HDAC9: variants seen among roughly 807,000 people sequenced by gnomAD.
HDAC9 encodes the protein MEF-2 interacting transcription repressor (MITR) protein.
A neutral mutation model predicts 139.4 loss-of-function variants in HDAC9; 41 were observed. That is an observed-to-expected ratio of 0.29 (90% CI 0.23 to 0.38). The LOEUF is 0.38. Ranked by LOEUF, HDAC9 falls within the 10% of genes least tolerant of loss-of-function variation. The pLI is 1.00. For synonymous variants in HDAC9, 517 were observed against 476.2 expected, an observed-to-expected ratio of 1.09 and a Z score of -1.12; for missense variants, 1,147 against 1,297.0, an observed-to-expected ratio of 0.88 and a Z score of 1.78.
intron 6 of HDAC9, among the ~76,000 whole-genome samples, chr7:18,621,689 C>T (rs941706814): frequency 7.2e-5 from 11 of 151,974 alleles, no homozygotes; most frequent in African/African-American, 2.7e-4. Context: ...AAATTTTGCT[C>T]CTTAGTGTCA....
intron 13 of HDAC9, among the ~76,000 whole-genome samples, chr7:18,730,012 A>G (rs1249184392): frequency 6.6e-6 from 1 of 152,244 alleles, no homozygotes; most frequent in African/African-American, 2.4e-5. Context: ...TACAATAACT[A>G]AGAGGAATAT....
chr7:18,691,966 T>A (rs1202366398), intron 12 of HDAC9, among the ~76,000 whole-genome samples: 1 of 152,000 alleles, frequency 6.6e-6, no homozygotes, highest in Non-Finnish European at 1.5e-5. Context: ...AGTGATCACA[T>A]CTTGTGTTTG....
At chr7:18,657,158 A>G (rs1187892391) in intron 11 of HDAC9, among the ~76,000 whole-genome samples, 3 of 151,954 alleles carry the variant, frequency 2.0e-5, no homozygotes, top group Non-Finnish European at 1.5e-5. Context: ...TTTGAGTTCC[A>G]TATATATCCT....
chr7:18,268,323 G>A (rs1796125107), intron 2 of HDAC9, among the ~76,000 whole-genome samples: 2 of 151,980 alleles, frequency 1.3e-5, no homozygotes, highest in Non-Finnish European at 2.9e-5. Context: ...TTCTTTGATG[G>A]CTATATCTTA....
intron 1 of HDAC9, among the ~76,000 whole-genome samples, chr7:18,308,445 C>T (rs1056014657): frequency 1.3e-5 from 2 of 152,172 alleles, no homozygotes; most frequent in Non-Finnish European, 2.9e-5. Context: ...GCCTAATCAT[C>T]ATTTGCTGTA....
At chr7:18,837,276 C>A (rs13238389) in intron 21 of HDAC9, among the ~76,000 whole-genome samples, 58,969 of 151,382 alleles carry the variant, frequency 0.39, 11,638 homozygotes, top group South Asian at 0.49. Flanking sequence ...TTTCTACCGT[C>A]AACTTGGGTT....
intron 22 of HDAC9, among the ~76,000 whole-genome samples, chr7:18,885,113 A>G (rs1257572300): frequency 6.6e-6 from 1 of 152,248 alleles, no homozygotes; most frequent in Non-Finnish European, 1.5e-5. Flanking sequence ...TGCTCGAAAC[A>G]TTCTGCTTAA....
At chr7:18,741,733 G>C (rs1019283173) in intron 13 of HDAC9, among the ~76,000 whole-genome samples, 3 of 152,112 alleles carry the variant, frequency 2.0e-5, no homozygotes, top group African/African-American at 7.2e-5. Flanking sequence ...AATGTACATT[G>C]AAACCTTCTG....
chr7:18,554,106 G>C (rs944384746), intron 2 of HDAC9, among the ~76,000 whole-genome samples: 4 of 152,254 alleles, frequency 2.6e-5, no homozygotes, highest in African/African-American at 9.6e-5. Context: ...ATATTTATCA[G>C]ATGTCCTCTA....
In HDAC9 at chr7:18,634,830, A is replaced by G. The variant is rs116136337; in HGVS notation, c.912+88A>G. ...AGTGATATTTCTGAGTTGACCTTCA[A>G]TATCCAAATGATATTTATGAATTGA... On this transcript the variant is annotated intron_variant, in intron 8 of 25. Transcript: ENST00000686413. The G allele has an allele frequency of 8.5e-3, 6,484 of 763,550 alleles. 313 individuals are homozygous for G. In the African/African-American group the frequency reaches 0.099, roughly 12 times the overall value. 47.3% of individuals were successfully genotyped at this position (763,550 alleles called of 1,614,324 possible).
In HDAC9 at chr7:18,615,842, C is replaced by G. The variant is rs541955792; in HGVS notation, c.665-13508C>G. ...TATTATTTTCCTGTGGATGCTGTAA[C>G]AAATTACTGCAAACTTAGTTGCCTA... On this transcript the variant is annotated intron_variant, in intron 6 of 25. Coordinates refer to ENST00000686413, the MANE Select transcript of HDAC9 (RefSeq NM_178425.4). Among the ~76,000 whole-genome samples, 8 of 152,248 alleles carry G rather than the reference C, an allele frequency of 5.3e-5. No homozygotes were observed. The South Asian group carries it at 1.7e-3, about 32-fold the overall frequency.
intron 24 of HDAC9, among the ~76,000 whole-genome samples, chr7:18,972,066 G>C (rs1391518472): frequency 1.3e-5 from 2 of 152,176 alleles, no homozygotes; most frequent in African/African-American, 4.8e-5. Context: ...TTCTAAATGT[G>C]CATATTATGT....
chr7:18,654,830 CA>C (rs2129047202), intron 11 of HDAC9, among the ~76,000 whole-genome samples: 1 of 152,266 alleles, frequency 6.6e-6, no homozygotes, highest in South Asian at 2.1e-4. Context: ...TGACCTCCTT[CA>C]AGTTACTCAC....
chr7:18,884,820 C>T (rs1208876385), intron 22 of HDAC9, among the ~76,000 whole-genome samples: 1 of 152,164 alleles, frequency 6.6e-6, no homozygotes, highest in Non-Finnish European at 1.5e-5. Context: ...ACCTATTCCT[C>T]AAACTTCAGT....
chr7:18,959,612 A>G (rs1193946089), intron 24 of HDAC9, among the ~76,000 whole-genome samples: 1 of 152,148 alleles, frequency 6.6e-6, no homozygotes, highest in African/African-American at 2.4e-5. Context: ...CCACTCCACA[A>G]CCATGTGACA....
chr7:18,921,627 G>A (rs771279523), intron 22 of HDAC9, among the ~76,000 whole-genome samples: 2 of 152,156 alleles, frequency 1.3e-5, no homozygotes, highest in African/African-American at 4.8e-5. Flanking sequence ...TACACTGTTG[G>A]TGGGACTGTT....
At chr7:18,548,383 T>TGAGC (rs1285009635) in intron 2 of HDAC9, among the ~76,000 whole-genome samples, 2 of 152,126 alleles carry the variant, frequency 1.3e-5, no homozygotes, top group African/African-American at 4.8e-5. Flanking sequence ...AGACATAAAG[T>TGAGC]GAGCACATGC....
intron 14 of HDAC9, 115 bp downstream of exon 14, chr7:18,749,253 T>C: frequency 9.3e-7 from 1 of 1,072,652 alleles, no homozygotes; most frequent in South Asian, 1.6e-5. Flanking sequence ...ACACCATGAT[T>C]GATGAACCAT....
chr7:18,557,960 A>C (rs1169694319), intron 2 of HDAC9, among the ~76,000 whole-genome samples: 1 of 152,094 alleles, frequency 6.6e-6, no homozygotes, highest in East Asian at 1.9e-4. Flanking sequence ...GAAACCTAGA[A>C]TAAACAAGCA....
Sources: allele counts gnomAD v4.1 joint callset (sites outside exome capture counted in the v4.1 genomes callset), GRCh38; gene constraint gnomAD v4.1.1; transcripts MANE v1.5; gene names NCBI Gene and HGNC (gene_info 2026-07-23, HGNC 2026-07-21).